Variants in PLEKHH2 observed in about 807,000 individuals in gnomAD.
PLEKHH2 encodes pleckstrin homology domain-containing family H member 2.
A neutral mutation model predicts 187.9 loss-of-function variants in PLEKHH2; 129 were observed. The ratio of observed to expected loss-of-function variants is 0.69; its 90% CI spans 0.59 to 0.79. The LOEUF is 0.79. Ranked by LOEUF, PLEKHH2 falls within the 30% of genes least tolerant of loss-of-function variation. The pLI is 0.00. For missense variants in PLEKHH2, 2,076 were observed against 1,751.2 expected (o/e 1.19, Z -3.31); for synonymous variants, 686 against 605.6 (o/e 1.13, Z -1.95).
intron 3 of PLEKHH2, among the ~76,000 whole-genome samples, chr2:43,685,322 T>C (rs1453307604): frequency 6.6e-6 from 1 of 152,258 alleles, no homozygotes; most frequent in Non-Finnish European, 1.5e-5. Flanking sequence ...GCATCACTTC[T>C]GTAACAATTA....
At chr2:43,647,848 C>T (rs114221191) in intron 2 of PLEKHH2, among the ~76,000 whole-genome samples, 4,038 of 152,242 alleles carry the variant, frequency 0.027, 54 homozygotes, top group South Asian at 0.064. Flanking sequence ...GCCAACTTCT[C>T]TTTCCTGCAA....
At position 43,758,925 on chromosome 2, in the gene PLEKHH2, A is replaced by G; in HGVS notation, c.3967A>G (p.Arg1323Gly). ...LRQLCQRLSTRWMALRGHSAA... is the reference protein window; with the variant it reads ...LRQLCQRLSTGWMALRGHSAA... ...GCAGCTTTGCCAGCGACTTTCAACC[A>G]GATGGATGGCCCTCCGGGGACACAG... Residue 1323 changes from arginine to glycine, a missense_variant, in exon 27 of 30, where the codon AGA (arginine) becomes GGA (glycine). Coordinates refer to ENST00000282406, the MANE Select transcript of PLEKHH2 (RefSeq NM_172069.4). The G allele has an allele frequency of 6.3e-7, 1 of 1,594,266 alleles. No individual in the cohort carries two copies. The highest frequency in any genetic ancestry group is 8.6e-7 in the Non-Finnish European group (1 of 1,168,108).
chr2:43,719,489 G>C (rs1444075578), intron 15 of PLEKHH2, among the ~76,000 whole-genome samples: 1 of 152,128 alleles, frequency 6.6e-6, no homozygotes, highest in Admixed American at 6.5e-5. Flanking sequence ...GCCCAGGCTG[G>C]AGTACAGTGG....
In PLEKHH2 at chr2:43,710,473, T is replaced by G. The variant is rs577972979; in HGVS notation, c.2215-16T>G. 1 of 1,592,094 alleles carries G rather than the reference T, an allele frequency of 6.3e-7. No homozygotes were observed. Among genetic ancestry groups the G allele is most frequent in the Non-Finnish European group, 8.5e-7 (1 of 1,174,790 alleles). On this transcript the variant is annotated splice_polypyrimidine_tract_variant and intron_variant, in intron 13 of 29. Transcript: ENST00000282406. The stretch of plus-strand genomic sequence containing the variant: ...TAAAGTTAATCACTTTCCATTTGTT[T>G]TTCTGTTTCATACAGAGTGATGTAA...
intron 3 of PLEKHH2, among the ~76,000 whole-genome samples, chr2:43,689,577 T>C (rs898002639): frequency 2.0e-5 from 3 of 152,214 alleles, no homozygotes; most frequent in Non-Finnish European, 4.4e-5. Context: ...TCTGTAGACC[T>C]CTTATTCATA....
chr2:43,687,722 A>C (rs1668588627), intron 3 of PLEKHH2, among the ~76,000 whole-genome samples: 1 of 151,782 alleles, frequency 6.6e-6, no homozygotes, highest in Non-Finnish European at 1.5e-5. Flanking sequence ...TTTGATTTGC[A>C]TTTCTCTGGT....
intron 21 of PLEKHH2, among the ~76,000 whole-genome samples, chr2:43,742,188 G>A: frequency 6.6e-6 from 1 of 151,996 alleles, no homozygotes; most frequent in East Asian, 1.9e-4. Context: ...TTTCAATAGA[G>A]ACAGGTTTTC....
chr2:43,720,504 A>G (rs987250180), intron 15 of PLEKHH2, among the ~76,000 whole-genome samples, 165 bp from the exon 16 acceptor site: 9 of 152,168 alleles, frequency 5.9e-5, no homozygotes, highest in African/African-American at 1.4e-4. Context: ...TGTGTGCTCA[A>G]TGTGTGACAG....
chr2:43,717,481 G>C (rs1215578733), intron 15 of PLEKHH2, among the ~76,000 whole-genome samples: 4 of 152,180 alleles, frequency 2.6e-5, no homozygotes, highest in Non-Finnish European at 5.9e-5. Context: ...GTGAGAGGGG[G>C]AGGGAAGTGG....
intron 2 of PLEKHH2, among the ~76,000 whole-genome samples, chr2:43,645,949 T>A (rs1462639692): frequency 1.3e-5 from 2 of 152,192 alleles, no homozygotes; most frequent in Non-Finnish European, 2.9e-5. Flanking sequence ...CTTTCATTGC[T>A]AGCCAAGAAT....
chr2:43,710,066 C>T lies in PLEKHH2; in HGVS notation c.2043C>T (p.Tyr681=). The T allele has an allele frequency of 6.2e-7, 1 of 1,613,318 alleles. No homozygotes were observed. Among genetic ancestry groups the T allele is most frequent in the Non-Finnish European group, 8.5e-7 (1 of 1,179,368 alleles). The change falls in exon 12 of 30, where the codon TAC becomes TAT. Residue 681 remains tyrosine, a synonymous_variant. Coordinates refer to ENST00000282406, the MANE Select transcript of PLEKHH2 (RefSeq NM_172069.4). ...PPDAYSTDTE[Y]SQPEQKLPKT... ...ATGCTTACTCCACAGACACGGAGTA[C>T]TCACAGCCAGAGCAGAAGCTCCCAA...
chr2:43,728,562 CTTTTTT>C (rs112664271), intron 17 of PLEKHH2, among the ~76,000 whole-genome samples: 4 of 135,748 alleles, frequency 2.9e-5, no homozygotes, highest in African/African-American at 8.2e-5. Context: ...ACACAATACT[CTTTTTT>C]TTTTTTTTTT....
chr2:43,710,579 C>G lies in PLEKHH2; in HGVS notation c.2301+4C>G. 7.8e-7 allele frequency: 1 copy of G among 1,284,078 alleles called. No individual in the cohort carries two copies. The highest frequency in any genetic ancestry group is 1.1e-6 in the Non-Finnish European group (1 of 931,036). 79.5% of individuals were successfully genotyped at this position (1,284,078 alleles called of 1,614,324 possible). A position where few individuals can be genotyped will look rare whatever the true frequency, so the allele number is the denominator to read the frequency against. ...AGATAACAAACAAACAGTTCAGGTA[C>G]TTAACTTTTTTTTTTTTTTTTTTTT... On this transcript the variant is annotated splice_donor_region_variant and intron_variant, in intron 14 of 29. Coordinates refer to ENST00000282406, the MANE Select transcript of PLEKHH2 (RefSeq NM_172069.4).
chr2:43,703,238 C>G (rs1378123896), intron 8 of PLEKHH2, among the ~76,000 whole-genome samples: 1 of 152,176 alleles, frequency 6.6e-6, no homozygotes, highest in Non-Finnish European at 1.5e-5. Flanking sequence ...ACATGTTGCT[C>G]TATGCATTAG....
At chr2:43,732,928 C>G (rs1169765500) in intron 19 of PLEKHH2, among the ~76,000 whole-genome samples, 1 of 152,166 alleles carries the variant, frequency 6.6e-6, no homozygotes, top group Non-Finnish European at 1.5e-5. Flanking sequence ...GTCTTCCTCT[C>G]TCACAGCCAA....
intron 2 of PLEKHH2, among the ~76,000 whole-genome samples, chr2:43,646,793 G>T (rs1479473924): frequency 4.0e-5 from 6 of 148,806 alleles, no homozygotes; most frequent in Admixed American, 2.7e-4. Flanking sequence ...TCTAGTTGTG[G>T]TTTCTTTTTC....
Position 43,678,872 on chromosome 2 carries a change from C to T in PLEKHH2, c.133C>T (p.Leu45Phe), listed in dbSNP as rs755299163. Residue 45 changes from leucine (L) to phenylalanine (F), a missense_variant, in exon 3 of 30, where the codon CTT (leucine) becomes TTT (phenylalanine). Physicochemically the swap from Leu to Phe is conservative, Grantham distance 22. Transcript: ENST00000282406. The stretch of plus-strand genomic sequence containing the variant: ...TTCCCTCACTCTACAGATGCAACAG[C>T]TTGAGAGACAAGTTATTGATGCTGA... ...RELLAEKMQQLERQVIDAERQ... is the reference protein window; with the variant it reads ...RELLAEKMQQFERQVIDAERQ... 14 of 1,603,418 alleles carry T rather than the reference C, an allele frequency of 8.7e-6. No individual in the cohort carries two copies. The African/African-American group carries it at 1.2e-4, about 14-fold the overall frequency.
In PLEKHH2 at chr2:43,675,296, A is replaced by G; in HGVS notation, c.124-3567A>G. 3 of 889,782 alleles carry G rather than the reference A, an allele frequency of 3.4e-6. No homozygotes were observed. The South Asian group carries it at 7.0e-5, about 21-fold the overall frequency. 55.1% of individuals were successfully genotyped at this position (889,782 alleles called of 1,614,324 possible). On this transcript the variant is annotated intron_variant, in intron 2 of 29. Coordinates refer to ENST00000282406, the MANE Select transcript of PLEKHH2 (RefSeq NM_172069.4). ...AATTATTGAATGAAGTACGTATTTT[A>G]CACTTACACTGTATCAGAATTTGGA...
At position 43,767,411 on chromosome 2, in the gene PLEKHH2, TA is replaced by T. The variant is rs1390468433; in HGVS notation, c.*1814del. On this transcript the variant is annotated 3_prime_UTR_variant, in exon 30 of 30. Transcript: ENST00000282406. The stretch of plus-strand genomic sequence containing the variant: ...ACTTTATTGATAATGACAAAAAGAA[TA>T]TTTTTTAAACCCCATCAAAATAGAT... 8 of 152,492 alleles carry T rather than the reference TA, an allele frequency of 5.2e-5. No individual in the cohort carries two copies. The highest frequency in any genetic ancestry group is 1.2e-4 in the African/African-American group (5 of 41,586). 9.4% of individuals were successfully genotyped at this position (152,492 alleles called of 1,614,324 possible). A position where few individuals can be genotyped will look rare whatever the true frequency, so the allele number is the denominator to read the frequency against.
Sources: gnomAD v4.1 joint callset for allele counts (sites outside exome capture counted in the v4.1 genomes callset) on GRCh38, gnomAD v4.1.1 for gene constraint, MANE v1.5 for transcripts, NCBI Gene and HGNC (gene_info 2026-07-23, HGNC 2026-07-21) for gene names.